Variants in GLI3 observed in about 807,000 individuals in gnomAD.
The protein encoded by GLI3 is transcription activator GLI3.
In GLI3, 20 loss-of-function variants were observed where a neutral mutation model predicts 100.8. That is an observed-to-expected ratio of 0.20 (90% CI 0.14 to 0.29). GLI3 has a LOEUF of 0.29. Ranked by LOEUF, GLI3 falls within the 10% of genes least tolerant of loss-of-function variation. The probability of loss-of-function intolerance (pLI) is 1.00; values close to 1 mark genes in which losing one functional copy is unlikely to be tolerated. For missense variants in GLI3, 2,040 were observed against 2,128.5 expected (o/e 0.96, Z 0.82); for synonymous variants, 938 against 860.5 (o/e 1.09, Z -1.58).
At chr7:42,104,525 G>C (rs577217303) in intron 3 of GLI3, among the ~76,000 whole-genome samples, 3 of 152,294 alleles carry the variant, frequency 2.0e-5, no homozygotes, top group Admixed American at 6.5e-5. Context: ...CCACTCCTGA[G>C]ATTACTATGT....
chr7:42,207,017 AAAG>A (rs1788169477), intron 2 of GLI3, among the ~76,000 whole-genome samples: 2 of 152,230 alleles, frequency 1.3e-5, no homozygotes. Context: ...TGCATAGCCC[AAAG>A]AAGGGCTACA....
rs535010831 is a variant in GLI3 at position 42,072,942 on chromosome 7, T to C, written c.473+3810A>G. 6.6e-5 allele frequency among the ~76,000 whole-genome samples: 10 copies of C among 152,336 alleles called. 1 individual carries two copies. In the South Asian group the frequency reaches 8.3e-4, roughly 13 times the overall value. On this transcript the variant is annotated intron_variant, in intron 4 of 14. Transcript: ENST00000395925. ...GAGAGAGCAACATTCCATTTGTTTA[T>C]TGGGCCTAAGACCTGGTGAATTCAG...
intron 3 of GLI3, among the ~76,000 whole-genome samples, chr7:42,114,470 C>T (rs1005140893): frequency 1.1e-4 from 17 of 151,868 alleles, no homozygotes; most frequent in Non-Finnish European, 2.5e-4. Flanking sequence ...GAAGTGCTTT[C>T]TCAATAGCAG....
chr7:41,997,497 T>A (rs1339109203), intron 10 of GLI3, among the ~76,000 whole-genome samples: 2 of 152,186 alleles, frequency 1.3e-5, no homozygotes, highest in East Asian at 3.9e-4. Flanking sequence ...TCAGATCCAC[T>A]ATTGCTCTTT....
chr7:41,988,798 CCTT>C (rs374267967), intron 10 of GLI3, among the ~76,000 whole-genome samples: 150 of 152,274 alleles, frequency 9.9e-4, no homozygotes, highest in African/African-American at 3.4e-3. Flanking sequence ...TAAAAGTGCT[CCTT>C]CTCTTAAAAT....
At chr7:42,113,234 G>A (rs1583568018) in intron 3 of GLI3, 1 of 456,168 alleles carries the variant, frequency 2.2e-6, no homozygotes, top group East Asian at 5.9e-5. Context: ...TGCATCTCTG[G>A]TGAGTAAGAA....
At chr7:42,111,329 A>C (rs1301482940) in intron 3 of GLI3, among the ~76,000 whole-genome samples, 1 of 152,150 alleles carries the variant, frequency 6.6e-6, no homozygotes, top group Non-Finnish European at 1.5e-5. Flanking sequence ...GCAGTGTGAG[A>C]GTGTTCTCAT....
At chr7:42,244,801 G>GA (rs1416627903) in intron 1 of GLI3, among the ~76,000 whole-genome samples, 1 of 152,124 alleles carries the variant, frequency 6.6e-6, no homozygotes, top group Non-Finnish European at 1.5e-5. Context: ...CAGCCATGAA[G>GA]AATTCATTCA....
chr7:42,134,400 TGAG>T (rs1157321891), intron 3 of GLI3, among the ~76,000 whole-genome samples: 1 of 152,048 alleles, frequency 6.6e-6, no homozygotes, highest in East Asian at 1.9e-4. Flanking sequence ...TATAAACCCA[TGAG>T]AAGACACAGA....
chr7:42,221,450 C>T (rs143474780), intron 2 of GLI3, among the ~76,000 whole-genome samples: 17 of 152,250 alleles, frequency 1.1e-4, no homozygotes, highest in South Asian at 4.1e-4. Flanking sequence ...CATGCTCACA[C>T]GCATGCACAC....
chr7:42,223,678 G>C (rs1343978614), intron 1 of GLI3, among the ~76,000 whole-genome samples: 2 of 152,134 alleles, frequency 1.3e-5, no homozygotes, highest in African/African-American at 4.8e-5. Flanking sequence ...TACAGGAAGG[G>C]GCATTTGAAC....
chr7:41,972,268 C>T lies in GLI3; in HGVS notation c.2103+69G>A, dbSNP rs188400818. On this transcript the variant is annotated intron_variant, in intron 13 of 14. Coordinates refer to ENST00000395925, the MANE Select transcript of GLI3 (RefSeq NM_000168.6). This position sits in a 1 kb window ranked among gnomAD's most constrained non-coding sequence, Gnocchi z 4.4. ...CAGTGAGGACCGGGAAGTCCTGTCC[C>T]TCTATGCACCCTACCTGGCTCTTTT... 3.4e-3 allele frequency: 4,930 copies of T among 1,448,690 alleles called. 13 individuals are homozygous for T. Among genetic ancestry groups the T allele is most frequent in the Non-Finnish European group, 4.4e-3 (4,520 of 1,030,700 alleles). 89.7% of individuals were successfully genotyped at this position (1,448,690 alleles called of 1,614,324 possible).
intron 10 of GLI3, among the ~76,000 whole-genome samples, chr7:41,999,668 G>T (rs1330975676): frequency 1.3e-5 from 2 of 152,142 alleles, no homozygotes; most frequent in African/African-American, 4.8e-5. Flanking sequence ...CACATGACTA[G>T]AACAAGTGGG....
intron 3 of GLI3, among the ~76,000 whole-genome samples, chr7:42,096,133 C>A (rs950676369): frequency 6.6e-6 from 1 of 152,072 alleles, no homozygotes; most frequent in Non-Finnish European, 1.5e-5. Flanking sequence ...CCGGGATGTT[C>A]GGCTGCAAAT....
intron 2 of GLI3, among the ~76,000 whole-genome samples, chr7:42,213,861 G>A (rs1788319355): frequency 6.6e-6 from 1 of 152,208 alleles, no homozygotes; most frequent in Non-Finnish European, 1.5e-5. Context: ...CCACCCACTA[G>A]TAATAATCTA....
chr7:42,011,043 C>A (rs1788598876), intron 10 of GLI3, among the ~76,000 whole-genome samples: 1 of 152,216 alleles, frequency 6.6e-6, no homozygotes, highest in Non-Finnish European at 1.5e-5. Context: ...GTCAATCTAC[C>A]AGTCTATTTT....
rs1425701273 is a variant in GLI3, at chr7:42,152,419, C to T, written c.125-3951G>A. ...TCTCTTGGTGAGCTCTCTCTAGCTG[C>T]GCAGACCCTCTAGGAACATTCTCGG... On this transcript the variant is annotated intron_variant, in intron 2 of 14. Transcript: ENST00000395925. 17 of 985,482 alleles carry T rather than the reference C, an allele frequency of 1.7e-5. No homozygotes were observed. The East Asian group carries it at 5.7e-4, about 33-fold the overall frequency. The allele number at this position is 985,482 out of a possible 1,614,324, so 61.0% of individuals were successfully genotyped here.
chr7:41,969,343 G>T (rs995510722), intron 13 of GLI3, among the ~76,000 whole-genome samples: 3 of 152,084 alleles, frequency 2.0e-5, no homozygotes, highest in African/African-American at 7.2e-5. Flanking sequence ...ACACTCACTC[G>T]GTTACAGAGT....
chr7:42,124,103 G>T (rs933128921), intron 3 of GLI3, among the ~76,000 whole-genome samples: 1 of 152,060 alleles, frequency 6.6e-6, no homozygotes, highest in Non-Finnish European at 1.5e-5. Context: ...TCACTCATGG[G>T]TGGAGAGGAG....
Sources: gnomAD v4.1 joint callset for allele counts (sites outside exome capture counted in the v4.1 genomes callset) on GRCh38, gnomAD v4.1.1 for gene constraint, Gnocchi (gnomAD v3.1) non-coding constraint, MANE v1.5 for transcripts, NCBI Gene and HGNC (gene_info 2026-07-23, HGNC 2026-07-21) for gene names.